Variants in VN1R4 observed in about 807,000 individuals in gnomAD.
VN1R4 encodes the protein vomeronasal type-1 receptor 4.
For synonymous variants in VN1R4, 97 were observed against 138.8 expected (o/e 0.70, Z 2.12); for missense variants, 291 against 364.2 (o/e 0.80, Z 1.64).
exon 1 of VN1R4, chr19:53,266,724 C>A (rs1568704115): frequency 6.5e-7 from 1 of 1,539,730 alleles, no homozygotes. Flanking sequence ...CAAATATATA[C>A]AATGTACATG....
chr19:53,266,995 C>A, exon 1 of VN1R4: 1 of 1,602,870 alleles, frequency 6.2e-7, no homozygotes, highest in East Asian at 2.3e-5. Context: ...TGGGGAGGCT[C>A]TGGGGGAGAG....
exon 1 of VN1R4, chr19:53,267,456 C>G: frequency 6.2e-7 from 1 of 1,614,120 alleles, no homozygotes; most frequent in Non-Finnish European, 8.5e-7. Flanking sequence ...AATATCTAAC[C>G]CCAAAAGCTG....
At position 53,266,945 on chromosome 19, in the gene VN1R4, T is replaced by C. The variant is rs755029766; in HGVS notation, c.721A>G (p.Thr241Ala). 5.6e-6 allele frequency: 9 copies of C among 1,613,060 alleles called. No individual in the cohort carries two copies. In the South Asian group the frequency reaches 9.9e-5, roughly 18 times the overall value. The stretch of plus-strand genomic sequence containing the variant: ...GAGAGAGTGTAAGAAGACACAAAGG[T>C]GCTCACCAGGATGAGGATGCTCTGC... The change falls in exon 1 of 1, where the codon ACC (threonine) becomes GCC (alanine). Residue 241 changes from threonine (T) to alanine (A), a missense_variant. Coordinates refer to ENST00000311170, the Ensembl canonical transcript of VN1R4.
exon 1 of VN1R4, chr19:53,266,904 A>G (rs751231724): frequency 6.2e-7 from 1 of 1,614,158 alleles, no homozygotes. Context: ...GAGCCATACA[A>G]ACTTGGAAAA....
At chr19:53,267,147 G>C in exon 1 of VN1R4, 2 of 1,612,796 alleles carry the variant, frequency 1.2e-6, no homozygotes, top group South Asian at 1.1e-5. Context: ...GTGCGATTTT[G>C]TTGTTGCCTC....
At chr19:53,266,723 A>G (rs1278822496) in exon 1 of VN1R4, 1 of 1,538,332 alleles carries the variant, frequency 6.5e-7, no homozygotes, top group Non-Finnish European at 8.7e-7. Flanking sequence ...GCAAATATAT[A>G]CAATGTACAT....
exon 1 of VN1R4, chr19:53,266,713 G>A: frequency 6.6e-7 from 1 of 1,507,564 alleles, no homozygotes; most frequent in Admixed American, 2.2e-5. Context: ...TGAACCATGA[G>A]CAAATATATA....
chr19:53,267,636 C>T, exon 1 of VN1R4: 4 of 1,606,652 alleles, frequency 2.5e-6, no homozygotes, highest in Non-Finnish European at 3.4e-6. Flanking sequence ...GTGATAAGAT[C>T]ATTCCCACTG....
At chr19:53,267,321 C>G in exon 1 of VN1R4, 1 of 1,614,132 alleles carries the variant, frequency 6.2e-7, no homozygotes, top group Non-Finnish European at 8.5e-7. Flanking sequence ...GTTTTGCCCA[C>G]CTGGATTTCC....
rs140031028 is a variant in VN1R4 at position 53,267,493 on chromosome 19, C to A, written c.173G>T (p.Arg58Leu). Residue 58 changes from arginine (R) to leucine (L), a missense_variant, in exon 1 of 1, where the codon CGC becomes CTC. Transcript: ENST00000311170. ...CATTGTCTGGGGGACTCCTTTACAGCGGAGAGCTAAGAAGTTGGCTACAAT... is the reference window on the plus strand; with the variant it reads ...CATTGTCTGGGGGACTCCTTTACAGAGGAGAGCTAAGAAGTTGGCTACAAT... The A allele has an allele frequency of 0.012, 17,703 of 1,483,338 alleles. 825 individuals are homozygous for A. The African/African-American group carries it at 0.16, about 13-fold the overall frequency. 91.9% of individuals were successfully genotyped at this position (1,483,338 alleles called of 1,614,324 possible). A position where few individuals can be genotyped will look rare whatever the true frequency, so the allele number is the denominator to read the frequency against.
chr19:53,267,554 T>C, exon 1 of VN1R4: 1 of 1,614,028 alleles, frequency 6.2e-7, no homozygotes, highest in Non-Finnish European at 8.5e-7. Flanking sequence ...GACCTTAACC[T>C]GCACCCAGTG....
exon 1 of VN1R4, chr19:53,266,753 G>C: frequency 6.3e-7 from 1 of 1,594,082 alleles, no homozygotes; most frequent in South Asian, 1.1e-5. Flanking sequence ...GAGGTTAGGA[G>C]ATCTTGTCAT....
chr19:53,267,024 C>T lies in VN1R4; in HGVS notation c.642G>A (p.Gln214=), dbSNP rs2091352096. 5 of 1,612,066 alleles carry T rather than the reference C, an allele frequency of 3.1e-6. No homozygotes were observed. The South Asian group carries it at 5.5e-5, about 18-fold the overall frequency. Residue 214 remains glutamine, a synonymous_variant, in exon 1 of 1, where the codon CAG becomes CAA. Transcript: ENST00000311170. ...GGGAGAGATTGCTCCTATCAATGTG[C>T]TGGACCCGCTGCTTGTGCCTGTGCA...
chr19:53,267,450 T>A (rs749946668), exon 1 of VN1R4: 1 of 1,614,030 alleles, frequency 6.2e-7, no homozygotes, highest in African/African-American at 1.3e-5. Flanking sequence ...TGAGAAAATA[T>A]CTAACCCCAA....
rs1327367658 is a variant in VN1R4, at chr19:53,267,475, T to A, written c.191A>T (p.Gln64Leu). 29 of 1,614,054 alleles carry A rather than the reference T, an allele frequency of 1.8e-5. 1 individual carries two copies. In the African/African-American group the frequency reaches 3.1e-4, roughly 17 times the overall value. The change falls in exon 1 of 1, where the codon CAG becomes CTG. Residue 64 changes from glutamine (Q) to leucine (L), a missense_variant. Gln to Leu is a moderately radical substitution (Grantham distance 113). Transcript: ENST00000311170. Reference sequence around the variant, plus strand: ...TCTAACCCCAAAAGCTGCCATTGTCTGGGGGACTCCTTTACAGCGGAGAGC... The same window carrying A: ...TCTAACCCCAAAAGCTGCCATTGTCAGGGGGACTCCTTTACAGCGGAGAGC...
Position 53,266,857 on chromosome 19 carries a change from G to A in VN1R4, c.809C>T (p.Ser270Leu), listed in dbSNP as rs376420258. The A allele has an allele frequency of 2.5e-6, 4 of 1,614,040 alleles. No homozygotes were observed. The African/African-American group carries it at 5.3e-5, about 22-fold the overall frequency. The change falls in exon 1 of 1, where the codon TCA (serine) becomes TTA (leucine). Residue 270 changes from serine (S) to leucine (L), a missense_variant. By Grantham distance (145) the Ser-to-Leu change is moderately radical. Transcript: ENST00000311170. The stretch of plus-strand genomic sequence containing the variant: ...TGGGAAACATACACTCATTAAGGCT[G>A]AAGTGTTCACCAGTAAACTATTGGG...
rs199941148 is a variant in VN1R4 at position 53,266,987 on chromosome 19, G to T, written c.679C>A (p.Pro227Thr). 9 of 1,601,790 alleles carry T rather than the reference G, an allele frequency of 5.6e-6. No homozygotes were observed. In the Admixed American group the frequency reaches 1.2e-4, roughly 21 times the overall value. ...ATGCTCTGCGTAGCTCTGTTCTCTG[G>T]GGAGGCTCTGGGGGAGAGATTGCTC... The change falls in exon 1 of 1, where the codon CCA becomes ACA. Residue 227 changes from proline to threonine, a missense_variant. Coordinates refer to ENST00000311170, the Ensembl canonical transcript of VN1R4.
the VN1R4 span, chr19:53,267,447 A>C: frequency 6.2e-7 from 1 of 1,614,192 alleles, no homozygotes; most frequent in Middle Eastern, 1.7e-4. Flanking sequence ...CATTGAGAAA[A>C]TATCTAACCC....
chr19:53,266,804 A>C, exon 1 of VN1R4: 1 of 1,614,016 alleles, frequency 6.2e-7, no homozygotes, highest in Non-Finnish European at 8.5e-7. Context: ...CTGGGGTCAC[A>C]GCTCATGAGA....
Sources: gnomAD v4.1 joint callset for allele counts on GRCh38, gnomAD v4.1.1 for gene constraint, MANE v1.5 for transcripts, NCBI Gene and HGNC (gene_info 2026-07-23, HGNC 2026-07-21) for gene names.